The following PUDP variants were observed in gnomAD, a reference collection of about 807,000 sequenced individuals.
PUDP encodes pseudouridine 5'-phosphatase.
A neutral mutation model predicts 9.4 loss-of-function variants in PUDP; 8 were observed. The observed-to-expected ratio is 0.85, with a 90% CI of 0.50 to 1.53. PUDP has a LOEUF of 1.53. Among genes scored for constraint, PUDP ranks in the 40% most tolerant of loss-of-function variants. The pLI, the probability that PUDP is intolerant of heterozygous loss-of-function variation, is 0.00. For synonymous variants in PUDP, 99 were observed against 80.7 expected, an observed-to-expected ratio of 1.23 and a Z score of -1.22; for missense variants, 188 against 189.7, an observed-to-expected ratio of 0.99 and a Z score of 0.05.
intron 1 of PUDP, among the ~76,000 whole-genome samples, chrX:7,128,648 A>G (rs1389106164): frequency 9.0e-6 from 1 of 111,632 alleles, no homozygotes; most frequent in Admixed American, 9.5e-5. Context: ...AAGAAATAAG[A>G]GATGGTCAGG....
At chrX:6,848,737 G>A (rs1027719131) in intron 3 of PUDP, among the ~76,000 whole-genome samples, 1 of 111,549 alleles carries the variant, frequency 9.0e-6, no homozygotes, top group Non-Finnish European at 1.9e-5. Context: ...TAGTTCACGC[G>A]AGATCTGGTT....
chrX:7,003,294 G>A (rs1255544119), intron 1 of PUDP, among the ~76,000 whole-genome samples: 1 of 111,123 alleles, frequency 9.0e-6, no homozygotes, highest in Non-Finnish European at 1.9e-5. Flanking sequence ...AAAAAATTGG[G>A]GAGATCATTT....
rs373589256 is a variant in PUDP, at chrX:7,105,671, C to T, written c.229G>A (p.Glu77Lys). The T allele has an allele frequency of 8.3e-7, 1 of 1,210,232 alleles. No homozygotes were observed. Among genetic ancestry groups the T allele is most frequent in the African/African-American group, 1.7e-5 (1 of 57,760 alleles). The change falls in exon 2 of 4, where the codon GAA becomes AAA. Residue 77 changes from glutamate to lysine, a missense_variant. Physicochemically the swap from Glu to Lys is moderately conservative, Grantham distance 56 (BLOSUM62 1). Transcript: ENST00000381077. ...LPMSKEELVE[E>K]SQTKLKEVFP... is the part of the protein sequence containing the mutation. ...ACTTCCTTTAACTTCGTTTGGCTTT[C>T]TTCCACCAGCTCCTCTTTGGACATC...
Position 7,123,942 on chromosome X carries a change from T to C in PUDP, c.62-18104A>G, listed in dbSNP as rs749927140. ...AAGGGGATATAGCTGATTCCAATAA[T>C]AGTAGCTGGAGATTTCAATGCCACA... On this transcript the variant is annotated intron_variant, in intron 1 of 3. Coordinates refer to ENST00000381077, the MANE Select transcript of PUDP (RefSeq NM_012080.5). Among the ~76,000 whole-genome samples, 5 of 112,123 alleles carry C rather than the reference T, an allele frequency of 4.5e-5. No homozygotes were observed. In the East Asian group the frequency reaches 8.3e-4, roughly 19 times the overall value.
downstream of PUDP, among the ~76,000 whole-genome samples, chrX:7,045,691 T>A (rs180889221): frequency 7.2e-5 from 8 of 111,165 alleles, no homozygotes; most frequent in Admixed American, 9.6e-5. Context: ...TAGCCATACA[T>A]AAAACAAAGC....
At chrX:6,766,107 A>C (rs1391125600) in intron 3 of PUDP, among the ~76,000 whole-genome samples, 1 of 111,915 alleles carries the variant, frequency 8.9e-6, no homozygotes, top group Non-Finnish European at 1.9e-5. Flanking sequence ...GCTTAAAAAA[A>C]AAACTGTCAA....
intron 3 of PUDP, among the ~76,000 whole-genome samples, chrX:6,828,543 G>A (rs1046569037): frequency 1.3e-4 from 15 of 111,553 alleles, no homozygotes; most frequent in African/African-American, 4.9e-4. Context: ...GACCTTCCAT[G>A]GACACATCAT....
At chrX:6,919,535 G>A (rs981062633) in intron 3 of PUDP, among the ~76,000 whole-genome samples, 4 of 110,748 alleles carry the variant, frequency 3.6e-5, no homozygotes, top group African/African-American at 1.3e-4. Context: ...AAAAGGCTGA[G>A]AATGAGACAC....
intron 1 of PUDP, among the ~76,000 whole-genome samples, chrX:6,708,779 C>G (rs945310829): frequency 8.9e-6 from 1 of 111,735 alleles, no homozygotes. Flanking sequence ...GGCTGAGGTC[C>G]CAGAAATCCT....
intron 2 of PUDP, among the ~76,000 whole-genome samples, chrX:7,085,723 A>C (rs769470338): frequency 8.9e-6 from 1 of 111,942 alleles, no homozygotes; most frequent in African/African-American, 3.3e-5. Flanking sequence ...TTCCATGAGG[A>C]CACGCTGCTA....
At chrX:7,034,754 T>G (rs1010482445) in intron 1 of PUDP, among the ~76,000 whole-genome samples, 2 of 111,442 alleles carry the variant, frequency 1.8e-5, no homozygotes, top group Non-Finnish European at 3.8e-5. Context: ...CTCCCCACTT[T>G]GTCTAATCTT....
intron 3 of PUDP, among the ~76,000 whole-genome samples, chrX:6,857,815 T>A (rs1269910431): frequency 8.9e-6 from 1 of 111,949 alleles, no homozygotes; most frequent in Non-Finnish European, 1.9e-5. Flanking sequence ...GGCTGCCATA[T>A]GTTGAACACT....
At chrX:6,766,173 C>T (rs1161553516) in intron 3 of PUDP, among the ~76,000 whole-genome samples, 1 of 111,509 alleles carries the variant, frequency 9.0e-6, no homozygotes, top group Non-Finnish European at 1.9e-5. Context: ...GAAATCAGGA[C>T]GTTCTCCAAT....
chrX:7,148,137 G>A lies in PUDP; in HGVS notation c.-24C>T, dbSNP rs927188071. 16 of 1,085,365 alleles carry A rather than the reference G, an allele frequency of 1.5e-5. No homozygotes were observed. The highest frequency in any genetic ancestry group is 7.9e-5 in the East Asian group (2 of 25,474). The allele number at this position is 1,085,365 out of a possible 1,213,427, so 89.4% of individuals were successfully genotyped here. A position where few individuals can be genotyped will look rare whatever the true frequency, so the allele number is the denominator to read the frequency against. Reference sequence around the variant, plus strand: ...ATGGTGGCGCCTTCTGGGTCTGGGTGGGGGCGAGGAGGAAGTGCGCGCGCA... The same window carrying A: ...ATGGTGGCGCCTTCTGGGTCTGGGTAGGGGCGAGGAGGAAGTGCGCGCGCA... On this transcript the variant is annotated 5_prime_UTR_variant, in exon 1 of 4. Transcript: ENST00000381077.
chrX:6,857,798 G>C (rs1367878016), intron 3 of PUDP, among the ~76,000 whole-genome samples: 1 of 111,589 alleles, frequency 9.0e-6, no homozygotes, highest in Non-Finnish European at 1.9e-5. Context: ...CCCTCCTACA[G>C]AACCTTGGCT....
intron 3 of PUDP, among the ~76,000 whole-genome samples, chrX:6,920,809 T>C (rs1245765137): frequency 8.9e-6 from 1 of 112,027 alleles, no homozygotes; most frequent in Non-Finnish European, 1.9e-5. Context: ...GGCTGTGTCA[T>C]GGACTCACAT....
At chrX:6,870,162 G>A (rs747776176) in intron 3 of PUDP, among the ~76,000 whole-genome samples, 4 of 112,029 alleles carry the variant, frequency 3.6e-5, no homozygotes, top group South Asian at 3.7e-4. Context: ...AGCTAGTCAC[G>A]AAAGACAAGT....
In PUDP at chrX:6,798,328, G is replaced by A. The variant is rs981301466; in HGVS notation, c.*248-91862C>T. The stretch of plus-strand genomic sequence containing the variant: ...ATAGTATGGGGGAAACTGCCCCCAT[G>A]ATACAATCATATCCACCTGGCCGCA... On this transcript the variant is annotated intron_variant and NMD_transcript_variant, in intron 3 of 3. Transcript: ENST00000655425. 8.9e-5 allele frequency among the ~76,000 whole-genome samples: 10 copies of A among 111,808 alleles called. No homozygotes were observed. In the East Asian group the frequency reaches 2.8e-3, roughly 31 times the overall value.
intron 3 of PUDP, among the ~76,000 whole-genome samples, chrX:6,802,900 ACATAACATAACATAACATAACATAAC>A (rs1405556882): frequency 1.4e-4 from 1 of 7,317 alleles, no homozygotes; most frequent in African/African-American, 8.9e-4. Context: ...AAATAACATA[ACATAACATAACATAACATAACATAAC>A]ATAAAATAAT....
Sources: gnomAD v4.1 joint callset for allele counts (sites outside exome capture counted in the v4.1 genomes callset) on GRCh38, gnomAD v4.1.1 for gene constraint, MANE v1.5 for transcripts, NCBI Gene and HGNC (gene_info 2026-07-23, HGNC 2026-07-21) for gene names.